The following GLIS3 variants were observed in gnomAD, a reference collection of about 807,000 sequenced individuals.
GLIS3 encodes the protein GLIS family zinc finger 3.
GLIS3 carries 53 observed loss-of-function variants against 78.6 expected under a neutral mutation model. The observed-to-expected ratio is 0.67, with a 90% CI of 0.54 to 0.85. GLIS3 has a LOEUF of 0.85. GLIS3 is among the 40% of genes least tolerant of loss of function. The pLI, the probability that GLIS3 is intolerant of heterozygous loss-of-function variation, is 0.00. For missense variants in GLIS3, 1,703 were observed against 1,231.1 expected (o/e 1.38, Z -5.74); for synonymous variants, 684 against 509.9 (o/e 1.34, Z -4.60).
chr9:4,285,779 A>C, intron 2 of GLIS3: 1 of 490,186 alleles, frequency 2.0e-6, no homozygotes, highest in Admixed American at 3.3e-5. Flanking sequence ...CTGCCTCCCT[A>C]TTTTTTATCT....
chr9:4,363,260 T>C, the GLIS3 span, among the ~76,000 whole-genome samples: 5 of 152,050 alleles, frequency 3.3e-5, no homozygotes, highest in Non-Finnish European at 7.4e-5. Context: ...CCGTCTCTAC[T>C]AAAAATACAA....
In GLIS3 at chr9:4,172,203, T is replaced by C. The variant is rs1234505006; in HGVS notation, c.389-46262A>G. Among the ~76,000 whole-genome samples, 6 of 152,154 alleles carry C rather than the reference T, an allele frequency of 3.9e-5. No individual in the cohort carries two copies. The South Asian group carries it at 1.0e-3, about 26-fold the overall frequency. On this transcript the variant is annotated intron_variant, in intron 2 of 10. Transcript: ENST00000381971. ...ATGTATTTCTTATTTACTTGGAAAG[T>C]CTTGTATTTGCATCTGTCTTTCTTA...
At chr9:3,988,399 A>G (rs1408230096) in intron 4 of GLIS3, among the ~76,000 whole-genome samples, 1 of 152,210 alleles carries the variant, frequency 6.6e-6, no homozygotes, top group East Asian at 1.9e-4. Flanking sequence ...AAAAGTTATA[A>G]TACCACTTGA....
At chr9:4,071,095 G>C (rs1228862920) in intron 4 of GLIS3, 2 of 152,124 alleles carry the variant, frequency 1.3e-5, no homozygotes, top group East Asian at 3.9e-4. Flanking sequence ...TAATACACTA[G>C]AAGTTACCAC....
intron 6 of GLIS3, among the ~76,000 whole-genome samples, chr9:3,903,117 C>T (rs1224612255): frequency 6.6e-6 from 1 of 152,140 alleles, no homozygotes; most frequent in Non-Finnish European, 1.5e-5. Context: ...ACATCTGGAC[C>T]TTAAAAGTTT....
chr9:4,411,530 G>C, the GLIS3 span, among the ~76,000 whole-genome samples: 1 of 152,190 alleles, frequency 6.6e-6, no homozygotes, highest in Non-Finnish European at 1.5e-5. Flanking sequence ...GTGTATCCCA[G>C]TTTGGGAACC....
At chr9:3,949,706 G>A (rs1307241504) in intron 4 of GLIS3, among the ~76,000 whole-genome samples, 2 of 152,162 alleles carry the variant, frequency 1.3e-5, no homozygotes, top group Non-Finnish European at 2.9e-5. Flanking sequence ...TACATATTAG[G>A]TGCTCAACAA....
At chr9:4,432,955 C>G in the GLIS3 span, among the ~76,000 whole-genome samples, 1 of 152,106 alleles carries the variant, frequency 6.6e-6, no homozygotes, top group African/African-American at 2.4e-5. Flanking sequence ...GCAACACAGA[C>G]TATGTTTTCT....
intron 4 of GLIS3, among the ~76,000 whole-genome samples, chr9:3,981,105 C>T (rs541132271): frequency 6.6e-5 from 10 of 152,154 alleles, no homozygotes; most frequent in South Asian, 2.1e-4. Flanking sequence ...TTCTCTCCTC[C>T]GCTACCTCTT....
intron 2 of GLIS3, among the ~76,000 whole-genome samples, chr9:4,141,739 T>C (rs1833833005): frequency 6.6e-6 from 1 of 152,246 alleles, no homozygotes; most frequent in South Asian, 2.1e-4. Flanking sequence ...CTGAAATATC[T>C]ACCTTTTGGC....
chr9:3,880,036 A>G (rs1009493652), intron 7 of GLIS3, among the ~76,000 whole-genome samples: 1 of 152,100 alleles, frequency 6.6e-6, no homozygotes, highest in Non-Finnish European at 1.5e-5. Flanking sequence ...GAGCCACGGT[A>G]GGTCAGCTGG....
At chr9:3,916,210 T>C (rs1045795130) in intron 6 of GLIS3, among the ~76,000 whole-genome samples, 5 of 152,176 alleles carry the variant, frequency 3.3e-5, no homozygotes, top group African/African-American at 1.2e-4. Context: ...CCCATAGTAA[T>C]CGAACATCAA....
intron 2 of GLIS3, among the ~76,000 whole-genome samples, chr9:4,156,019 C>G (rs745809828): frequency 6.6e-6 from 1 of 152,116 alleles, no homozygotes; most frequent in Non-Finnish European, 1.5e-5. Context: ...TCATCCATAA[C>G]CCAAATAAAT....
the GLIS3 span, among the ~76,000 whole-genome samples, chr9:4,465,276 G>A: frequency 3.9e-5 from 6 of 152,238 alleles, no homozygotes; most frequent in Admixed American, 1.3e-4. Context: ...GGCCGGGCAC[G>A]GTGGCTTATG....
chr9:4,001,801 T>G (rs774853760), intron 4 of GLIS3, among the ~76,000 whole-genome samples: 17 of 152,224 alleles, frequency 1.1e-4, no homozygotes, highest in Non-Finnish European at 1.6e-4. Context: ...GTAATGATCA[T>G]CTGTACAATG....
At chr9:4,373,831 T>C in the GLIS3 span, among the ~76,000 whole-genome samples, 1,743 of 151,812 alleles carry the variant, frequency 0.011, 49 homozygotes, top group African/African-American at 0.039. Context: ...CCACGCCCAG[T>C]TAATTTTTGT....
intron 3 of GLIS3, among the ~76,000 whole-genome samples, chr9:4,120,430 A>T (rs1447941620): frequency 2.0e-5 from 3 of 152,242 alleles, no homozygotes; most frequent in Non-Finnish European, 2.9e-5. Context: ...TTCGGGTTGT[A>T]GTCTTTTTGC....
At chr9:4,366,998 A>G in the GLIS3 span, among the ~76,000 whole-genome samples, 1 of 152,274 alleles carries the variant, frequency 6.6e-6, no homozygotes, top group Admixed American at 6.5e-5. Context: ...TGAATGAAGG[A>G]TGAGGATGCT....
chr9:4,460,622 C>G, the GLIS3 span, among the ~76,000 whole-genome samples: 1 of 135,908 alleles, frequency 7.4e-6, no homozygotes, highest in South Asian at 2.5e-4. Context: ...TCTCACTAAA[C>G]AGAAGCAGAA....
Sources: allele counts gnomAD v4.1 joint callset (sites outside exome capture counted in the v4.1 genomes callset), GRCh38; gene constraint gnomAD v4.1.1; transcripts MANE v1.5; gene names NCBI Gene and HGNC (gene_info 2026-07-23, HGNC 2026-07-21).